GMDS: variants seen among roughly 807,000 people sequenced by gnomAD.
The protein encoded by GMDS is GDP-mannose 4,6-dehydratase.
A neutral mutation model predicts 49.9 loss-of-function variants in GMDS; 20 were observed. The ratio of observed to expected loss-of-function variants is 0.40; its 90% CI spans 0.28 to 0.58. GMDS has a LOEUF of 0.58. Ranked by LOEUF, GMDS falls within the 20% of genes least tolerant of loss-of-function variation. GMDS has a pLI of 0.42. For synonymous variants in GMDS, 177 were observed against 178.6 expected (o/e 0.99, Z 0.07); for missense variants, 362 against 481.4 (o/e 0.75, Z 2.32).
At chr6:1,739,800 G>GC (rs1234581200) in intron 8 of GMDS, among the ~76,000 whole-genome samples, 1 of 152,216 alleles carries the variant, frequency 6.6e-6, no homozygotes, top group African/African-American at 2.4e-5. Flanking sequence ...AAGCAGAGGG[G>GC]CCCTGAAGGA....
chr6:1,876,301 C>A (rs537242299), intron 7 of GMDS, among the ~76,000 whole-genome samples: 1 of 152,098 alleles, frequency 6.6e-6, no homozygotes, highest in East Asian at 1.9e-4. Context: ...CACTTTCTAA[C>A]TATGTTTTCT....
At chr6:2,110,099 G>C (rs963223780) in intron 4 of GMDS, among the ~76,000 whole-genome samples, 4 of 152,066 alleles carry the variant, frequency 2.6e-5, no homozygotes, top group African/African-American at 9.7e-5. Flanking sequence ...CACGGTAAAG[G>C]GCCACGCTGT....
At chr6:2,032,115 C>T (rs1178988355) in intron 4 of GMDS, among the ~76,000 whole-genome samples, 1 of 152,018 alleles carries the variant, frequency 6.6e-6, no homozygotes, top group Admixed American at 6.6e-5. Context: ...GAATAAAATC[C>T]CAGCAAAAGA....
At chr6:1,747,459 T>TAC (rs1360328406) in intron 7 of GMDS, among the ~76,000 whole-genome samples, 1,564 of 22,024 alleles carry the variant, frequency 0.071, 80 homozygotes, top group Admixed American at 0.35. Context: ...ACCTTAAAAC[T>TAC]ACACACACAC....
intron 7 of GMDS, among the ~76,000 whole-genome samples, chr6:1,744,221 A>G (rs529504213): frequency 7.9e-5 from 12 of 152,316 alleles, no homozygotes; most frequent in African/African-American, 2.9e-4. Flanking sequence ...GATTGTTTTA[A>G]ATCATATGGA....
intron 7 of GMDS, among the ~76,000 whole-genome samples, chr6:1,876,015 C>CAAAAAAAAAAAAAA (rs112121475): frequency 2.3e-5 from 3 of 129,290 alleles, no homozygotes; most frequent in African/African-American, 9.7e-5. Flanking sequence ...AGCACTATCT[C>CAAAAAAAAAAAAAA]AAAAAAAAAA....
intron 1 of GMDS, among the ~76,000 whole-genome samples, chr6:2,210,837 G>A (rs1317784094): frequency 6.6e-6 from 1 of 152,166 alleles, no homozygotes; most frequent in Non-Finnish European, 1.5e-5. Context: ...ATCTCATGTT[G>A]AATTGTAATT....
chr6:2,228,966 C>CT (rs1282507193), intron 1 of GMDS, among the ~76,000 whole-genome samples: 1 of 152,116 alleles, frequency 6.6e-6, no homozygotes, highest in Non-Finnish European at 1.5e-5. Context: ...GAGGCAAACT[C>CT]TATGATTGAT....
At chr6:2,049,593 G>A (rs955930996) in intron 4 of GMDS, among the ~76,000 whole-genome samples, 1 of 152,178 alleles carries the variant, frequency 6.6e-6, no homozygotes. Context: ...ATCTTAAGAT[G>A]GTGAGCTTGC....
At chr6:1,744,524 G>C (rs906781897) in intron 7 of GMDS, among the ~76,000 whole-genome samples, 6 of 152,192 alleles carry the variant, frequency 3.9e-5, no homozygotes, top group Admixed American at 3.9e-4. Flanking sequence ...TCACTGTTTT[G>C]GGATAGTCCA....
At chr6:2,203,183 T>A (rs1380765432) in intron 1 of GMDS, among the ~76,000 whole-genome samples, 2 of 152,216 alleles carry the variant, frequency 1.3e-5, no homozygotes, top group Non-Finnish European at 2.9e-5. Flanking sequence ...GGAGTTACTT[T>A]AGGCCACTGG....
intron 1 of GMDS, among the ~76,000 whole-genome samples, chr6:2,167,363 G>T (rs1777719461): frequency 6.6e-6 from 1 of 151,862 alleles, no homozygotes; most frequent in Admixed American, 6.6e-5. Flanking sequence ...GCCTCATCTA[G>T]CTCCTCATCA....
chr6:1,688,996 T>C (rs978294739), intron 9 of GMDS, among the ~76,000 whole-genome samples: 4 of 152,188 alleles, frequency 2.6e-5, no homozygotes, highest in Middle Eastern at 6.3e-3. Flanking sequence ...GTTACTTTCT[T>C]ATAACATGTT....
intron 1 of GMDS, among the ~76,000 whole-genome samples, chr6:2,241,871 A>G (rs186422179): frequency 1.5e-4 from 23 of 152,360 alleles, no homozygotes; most frequent in African/African-American, 5.5e-4. Context: ...GACAACTTTC[A>G]TATCTTTATA....
rs114668292 is a variant in GMDS at position 1,716,885 on chromosome 6, C to T, written c.987+9531G>A. ...TGTCCTTGTCCCTCAGGCTCAAGTA[C>T]GACCTGTCCTCATTTCCAGTTGCCC... On this transcript the variant is annotated intron_variant, in intron 9 of 10. Transcript: ENST00000380815. Among the ~76,000 whole-genome samples, 576 of 152,334 alleles carry T rather than the reference C, an allele frequency of 3.8e-3. 5 individuals carry two copies. The highest frequency in any genetic ancestry group is 0.012 in the African/African-American group (512 of 41,564).
intron 9 of GMDS, among the ~76,000 whole-genome samples, chr6:1,677,614 C>T (rs919496576): frequency 5.3e-5 from 8 of 151,832 alleles, no homozygotes; most frequent in African/African-American, 1.9e-4. Context: ...TACTTTGCAG[C>T]CATAAAAAAG....
chr6:1,631,583 A>T lies in GMDS; in HGVS notation c.988-7043T>A, dbSNP rs1203714510. Among the ~76,000 whole-genome samples the T allele has an allele frequency of 3.3e-5, 5 of 151,936 alleles. No individual in the cohort carries two copies. The East Asian group carries it at 7.7e-4, about 23-fold the overall frequency. On this transcript the variant is annotated intron_variant, in intron 9 of 10. Coordinates refer to ENST00000380815, the MANE Select transcript of GMDS (RefSeq NM_001500.4). ...GTTTTTTTCCTTTGTGGTTTTTCTC[A>T]ATGTATACAGTATATTAAGTCCTCC...
intron 7 of GMDS, among the ~76,000 whole-genome samples, chr6:1,757,440 AT>A (rs1767990314): frequency 1.3e-5 from 2 of 152,220 alleles, no homozygotes; most frequent in Non-Finnish European, 2.9e-5. Flanking sequence ...TAGGAACAAC[AT>A]AAAAGCTCTG....
At chr6:1,931,449 C>T (rs1438135298) in intron 6 of GMDS, among the ~76,000 whole-genome samples, 1 of 152,112 alleles carries the variant, frequency 6.6e-6, no homozygotes, top group South Asian at 2.1e-4. Context: ...ATGGGACTAC[C>T]GTGGAAATCC....
Sources: allele counts gnomAD v4.1 joint callset (sites outside exome capture counted in the v4.1 genomes callset), GRCh38; gene constraint gnomAD v4.1.1; transcripts MANE v1.5; gene names NCBI Gene and HGNC (gene_info 2026-07-23, HGNC 2026-07-21).